The following TMEM164 variants were observed in gnomAD, a reference collection of about 807,000 sequenced individuals.
The protein encoded by TMEM164 is RP13-360B22.2.
TMEM164 carries 4 observed loss-of-function variants against 18.8 expected under a neutral mutation model. The ratio of observed to expected loss-of-function variants is 0.21; its 90% CI spans 0.10 to 0.49. The LOEUF is 0.49. TMEM164 is among the 20% of genes least tolerant of loss of function. The pLI is 0.98. For synonymous variants in TMEM164, 86 were observed against 101.7 expected (o/e 0.85, Z 0.93); for missense variants, 108 against 239.9 (o/e 0.45, Z 3.63).
intron 3 of TMEM164, among the ~76,000 whole-genome samples, chrX:110,078,015 G>A (rs993678986): frequency 8.9e-6 from 1 of 111,978 alleles, no homozygotes; most frequent in African/African-American, 3.2e-5. Flanking sequence ...TAACAAGATT[G>A]GAGAAATTTT....
intron 3 of TMEM164, chrX:110,082,112 G>C (rs975334283): frequency 1.8e-5 from 2 of 113,547 alleles, no homozygotes; most frequent in Non-Finnish European, 3.7e-5. Context: ...TGCTGGAAGG[G>C]CTGCCTCAGT....
intron 5 of TMEM164, among the ~76,000 whole-genome samples, chrX:110,153,483 T>G (rs1292419313): frequency 8.9e-6 from 1 of 112,174 alleles, no homozygotes; most frequent in Non-Finnish European, 1.9e-5. Flanking sequence ...GTACATCACG[T>G]GAGGCCCATG....
At chrX:110,151,758 G>C (rs974103337) in intron 5 of TMEM164, among the ~76,000 whole-genome samples, 3 of 111,431 alleles carry the variant, frequency 2.7e-5, no homozygotes, top group Non-Finnish European at 5.7e-5. Context: ...ACTCCAGCCT[G>C]TGCAACAGAG....
chrX:110,143,705 C>T (rs926202708), intron 4 of TMEM164, among the ~76,000 whole-genome samples: 3 of 110,572 alleles, frequency 2.7e-5, no homozygotes, highest in Admixed American at 9.5e-5. Context: ...TGCCTCCTCT[C>T]ATTAGCAGAC....
chrX:110,051,983 A>G (rs1339674487), intron 2 of TMEM164, among the ~76,000 whole-genome samples: 1 of 112,655 alleles, frequency 8.9e-6, no homozygotes, highest in Non-Finnish European at 1.9e-5. Context: ...TCCCAGACAT[A>G]TCCATTGTAA....
At position 110,017,405 on chromosome X, in the gene TMEM164, C is replaced by CCTTTCTTTCTTTCTTT. The variant is rs1555984532; in HGVS notation, c.390+13268_390+13283dup. Among the ~76,000 whole-genome samples, 135 of 15,284 alleles carry CCTTTCTTTCTTTCTTT rather than the reference C, an allele frequency of 8.8e-3. 4 individuals carry two copies. The highest frequency in any genetic ancestry group is 0.077 in the Middle Eastern group (1 of 13). The allele number at this position is 15,284 out of a possible 115,157, so 13.3% of individuals were successfully genotyped here. A position where few individuals can be genotyped will look rare whatever the true frequency, so the allele number is the denominator to read the frequency against. On this transcript the variant is annotated intron_variant, in intron 2 of 6. Transcript: ENST00000372068. ...TCTCCTGGCTGCAGGCCACCTCCTT[C>CCTTTCTTTCTTTCTTT]CTTTCTTTCTTTCTTTCTTTCTTTC...
chrX:110,143,265 G>A (rs1016829654), intron 4 of TMEM164, among the ~76,000 whole-genome samples: 2 of 112,208 alleles, frequency 1.8e-5, no homozygotes, highest in Admixed American at 9.4e-5. Context: ...TGAGTAGATT[G>A]TGGATGTGAA....
At chrX:110,116,861 CGTGTGTGTGTGTGTGGTGTGTGT>C (rs2066374234) in intron 4 of TMEM164, among the ~76,000 whole-genome samples, 1 of 88,818 alleles carries the variant, frequency 1.1e-5, no homozygotes. Context: ...TGCGCGTGTG[CGTGTGTGTGTGTGTGGTGTGTGT>C]GTGTGTGTGT....
chrX:110,017,447 TC>T (rs1933477472), intron 2 of TMEM164, among the ~76,000 whole-genome samples: 2 of 79,098 alleles, frequency 2.5e-5, no homozygotes, highest in African/African-American at 5.3e-5. Flanking sequence ...TCTTTCTTTC[TC>T]TCTCTCTCTC....
chrX:110,053,874 C>T (rs1935689824), intron 2 of TMEM164, among the ~76,000 whole-genome samples: 1 of 112,075 alleles, frequency 8.9e-6, no homozygotes, highest in Non-Finnish European at 1.9e-5. Flanking sequence ...ACACCGTCTT[C>T]CCTTCTCTTC....
chrX:110,004,398 C>G (rs964769470), intron 2 of TMEM164, among the ~76,000 whole-genome samples: 1 of 111,439 alleles, frequency 9.0e-6, no homozygotes, highest in African/African-American at 3.3e-5. Flanking sequence ...CTAGGAACGA[C>G]TGGCACTCAC....
At position 110,174,550 on chromosome X, in the gene TMEM164, G is replaced by T. The variant is rs1229445626; in HGVS notation, c.*1099G>T. The T allele has an allele frequency of 9.1e-6, 1 of 110,433 alleles. No individual in the cohort carries two copies. 9.1% of individuals were successfully genotyped at this position (110,433 alleles called of 1,213,427 possible). A position where few individuals can be genotyped will look rare whatever the true frequency, so the allele number is the denominator to read the frequency against. ...GGCCAGTGTTGTTTCCCTAGGGCCA[G>T]ATTTCTTCAGTGTATCCACACTCAG... On this transcript the variant is annotated 3_prime_UTR_variant, in exon 7 of 7. Transcript: ENST00000372068.
At chrX:110,137,728 TG>T (rs773262696) in intron 4 of TMEM164, among the ~76,000 whole-genome samples, 1 of 112,415 alleles carries the variant, frequency 8.9e-6, no homozygotes, top group South Asian at 3.7e-4. Context: ...GACTATGAAC[TG>T]TTGTAGGGCA....
chrX:110,137,224 C>T (rs937926799), intron 4 of TMEM164, among the ~76,000 whole-genome samples: 2 of 111,498 alleles, frequency 1.8e-5, no homozygotes, highest in African/African-American at 6.5e-5. Flanking sequence ...CTCTCCCAGG[C>T]AGTCACACTG....
At chrX:110,161,354 A>T (rs1030856334) in intron 5 of TMEM164, among the ~76,000 whole-genome samples, 1 of 111,376 alleles carries the variant, frequency 9.0e-6, no homozygotes, top group Non-Finnish European at 1.9e-5. Context: ...CTCTTCCATG[A>T]GGCTTCCCTG....
intron 2 of TMEM164, among the ~76,000 whole-genome samples, chrX:110,035,929 GT>G (rs758772478): frequency 1.8e-5 from 2 of 108,576 alleles, no homozygotes; most frequent in African/African-American, 3.3e-5. Flanking sequence ...TTTTTTTGTT[GT>G]TTTTTTTTAA....
chrX:110,118,165 G>A (rs1240763169), intron 4 of TMEM164, among the ~76,000 whole-genome samples: 1 of 112,225 alleles, frequency 8.9e-6, no homozygotes, highest in African/African-American at 3.2e-5. Context: ...CACCTGCCTT[G>A]GCCTCCCAAA....
chrX:110,092,826 G>T (rs2065952197), intron 3 of TMEM164, among the ~76,000 whole-genome samples: 1 of 112,045 alleles, frequency 8.9e-6, no homozygotes, highest in South Asian at 3.7e-4. Flanking sequence ...TGCTCATTCA[G>T]TATGATATTG....
At chrX:110,129,408 G>A (rs1273245491) in intron 4 of TMEM164, among the ~76,000 whole-genome samples, 1 of 112,099 alleles carries the variant, frequency 8.9e-6, no homozygotes, top group Non-Finnish European at 1.9e-5. Flanking sequence ...CATCCCTTAT[G>A]CCCTGTGAAG....
Sources: allele counts gnomAD v4.1 joint callset (sites outside exome capture counted in the v4.1 genomes callset), GRCh38; gene constraint gnomAD v4.1.1; transcripts MANE v1.5; gene names NCBI Gene and HGNC (gene_info 2026-07-23, HGNC 2026-07-21).